The following GRID2 variants were observed in gnomAD, a reference collection of about 807,000 sequenced individuals.
GRID2 encodes glutamate ionotropic receptor delta type subunit 2.
In GRID2, 33 loss-of-function variants were observed where a neutral mutation model predicts 114.8. That is an observed-to-expected ratio of 0.29 (90% CI 0.22 to 0.38). GRID2 has a LOEUF of 0.38. GRID2 is among the 10% of genes least tolerant of loss of function. The pLI is 1.00. For synonymous variants in GRID2, 505 were observed against 449.9 expected, an observed-to-expected ratio of 1.12 and a Z score of -1.55; for missense variants, 1,184 against 1,257.7, an observed-to-expected ratio of 0.94 and a Z score of 0.89.
At chr4:93,367,769 A>T (rs1310478509) in intron 8 of GRID2, among the ~76,000 whole-genome samples, 4 of 152,186 alleles carry the variant, frequency 2.6e-5, no homozygotes, top group African/African-American at 9.6e-5. Flanking sequence ...AGCTGGTTGA[A>T]AAGACATACA....
At chr4:92,870,480 C>G (rs929276954) in intron 2 of GRID2, among the ~76,000 whole-genome samples, 8 of 151,854 alleles carry the variant, frequency 5.3e-5, no homozygotes, top group African/African-American at 1.9e-4. Flanking sequence ...AAAATTTGTT[C>G]TCAAGTGTAT....
intron 1 of GRID2, among the ~76,000 whole-genome samples, chr4:92,495,756 A>T (rs1210497919): frequency 6.6e-6 from 1 of 151,950 alleles, no homozygotes; most frequent in Non-Finnish European, 1.5e-5. Flanking sequence ...GTTCTAAATT[A>T]AAATTCAAAG....
intron 10 of GRID2, among the ~76,000 whole-genome samples, chr4:93,454,581 C>T (rs867292954): frequency 1.3e-5 from 2 of 151,914 alleles, no homozygotes; most frequent in South Asian, 2.1e-4. Context: ...CAAACACGTA[C>T]CCACACTGCT....
chr4:92,648,180 G>A (rs1173007185), intron 2 of GRID2, among the ~76,000 whole-genome samples: 1 of 149,714 alleles, frequency 6.7e-6, no homozygotes, highest in African/African-American at 2.5e-5. Flanking sequence ...GAAAGTTGAA[G>A]CAATGTCTAA....
intron 1 of GRID2, among the ~76,000 whole-genome samples, chr4:92,462,808 A>G (rs1204756195): frequency 6.6e-6 from 1 of 152,004 alleles, no homozygotes; most frequent in Non-Finnish European, 1.5e-5. Context: ...GAGACTTGTT[A>G]TACAGGTACA....
At chr4:92,622,932 C>A (rs1321388521) in intron 2 of GRID2, among the ~76,000 whole-genome samples, 2 of 151,646 alleles carry the variant, frequency 1.3e-5, no homozygotes. Flanking sequence ...TATTTATCAA[C>A]AAGCAGGCCC....
At chr4:93,728,641 A>C (rs1045992992) in intron 14 of GRID2, among the ~76,000 whole-genome samples, 6 of 152,234 alleles carry the variant, frequency 3.9e-5, no homozygotes, top group Admixed American at 6.5e-5. Context: ...GTAGGTCACT[A>C]AGGACTTGCT....
rs186618748 is a variant in GRID2, at chr4:92,676,049, C to T, written c.244+85763C>T. ...ATTATTCATGGAAGAGGGGCGAGTT[C>T]GATACTCAATATTTTGTCATAAATA... On this transcript the variant is annotated intron_variant, in intron 2 of 15. Coordinates refer to ENST00000282020, the MANE Select transcript of GRID2 (RefSeq NM_001510.4). Among the ~76,000 whole-genome samples the T allele has an allele frequency of 8.6e-3, 1,291 of 150,290 alleles. 8 individuals are homozygous for T. Among genetic ancestry groups the T allele is most frequent in the Non-Finnish European group, 0.013 (899 of 67,846 alleles).
At chr4:92,788,053 G>A (rs1739405329) in intron 2 of GRID2, among the ~76,000 whole-genome samples, 1 of 151,714 alleles carries the variant, frequency 6.6e-6, no homozygotes, top group Admixed American at 6.6e-5. Context: ...GGTGATCTAG[G>A]CCTAATATAA....
chr4:93,635,407 T>C (rs1256835651), intron 14 of GRID2, among the ~76,000 whole-genome samples: 2 of 149,160 alleles, frequency 1.3e-5, no homozygotes, highest in East Asian at 3.9e-4. Context: ...ATATATATTA[T>C]ATATATTTAT....
intron 2 of GRID2, among the ~76,000 whole-genome samples, chr4:93,060,406 G>T (rs1269567771): frequency 6.6e-6 from 1 of 152,112 alleles, no homozygotes. Context: ...TGTTTCCATG[G>T]AAGGAAATGC....
At chr4:92,819,858 A>G (rs77037100) in intron 2 of GRID2, among the ~76,000 whole-genome samples, 2 of 152,172 alleles carry the variant, frequency 1.3e-5, no homozygotes, top group African/African-American at 2.4e-5. Flanking sequence ...TTAGTACTCC[A>G]TAATGAAGAG....
chr4:92,591,777 A>G (rs1728715929), intron 2 of GRID2, among the ~76,000 whole-genome samples: 1 of 152,240 alleles, frequency 6.6e-6, no homozygotes, highest in South Asian at 2.1e-4. Context: ...TGTTAATGGA[A>G]TGGAGTAAAA....
At chr4:93,351,375 A>G (rs560244941) in intron 8 of GRID2, among the ~76,000 whole-genome samples, 14 of 152,054 alleles carry the variant, frequency 9.2e-5, no homozygotes, top group Non-Finnish European at 2.1e-4. Flanking sequence ...ACAGCTTTGC[A>G]GATTTTATGA....
Position 92,721,426 on chromosome 4 carries a change from TC to T in GRID2, c.244+131141del, listed in dbSNP as rs948987726. ...AAATTTCAGTTTTCTGAATTTATTCTCTAAATTTGTTGTAATTTATAAATAA... is the reference window on the plus strand; with the variant it reads ...AAATTTCAGTTTTCTGAATTTATTCTTAAATTTGTTGTAATTTATAAATAA... On this transcript the variant is annotated intron_variant, in intron 2 of 15. Transcript: ENST00000282020. Among the ~76,000 whole-genome samples, 151 of 152,276 alleles carry T rather than the reference TC, an allele frequency of 9.9e-4. 1 individual carries two copies. Among genetic ancestry groups the T allele is most frequent in the African/African-American group, 3.6e-3 (149 of 41,570 alleles).
Position 93,031,358 on chromosome 4 carries a change from C to T in GRID2, c.245-53637C>T, listed in dbSNP as rs1724420225. Among the ~76,000 whole-genome samples the T allele has an allele frequency of 2.0e-5, 3 of 152,016 alleles. 1 individual carries two copies. Among genetic ancestry groups the T allele is most frequent in the African/African-American group, 7.2e-5 (3 of 41,418 alleles). ...CGTGCCCGGCCGTATCATCCACTCT[C>T]CTACGGATATAATTAAAAATCCACA... is the stretch of plus-strand genomic sequence containing the variant. On this transcript the variant is annotated intron_variant, in intron 2 of 15. Transcript: ENST00000282020.
rs181246525 is a variant in GRID2, at chr4:92,808,716, G to A, written c.244+218430G>A. 7.2e-5 allele frequency among the ~76,000 whole-genome samples: 11 copies of A among 151,834 alleles called. No homozygotes were observed. In the East Asian group the frequency reaches 2.1e-3, roughly 29 times the overall value. On this transcript the variant is annotated intron_variant, in intron 2 of 15. Coordinates refer to ENST00000282020, the MANE Select transcript of GRID2 (RefSeq NM_001510.4). The stretch of plus-strand genomic sequence containing the variant: ...TCATTATACACACTATTGTTTTGAG[G>A]TCACAGAACATGAAATCTCTGGGTA...
intron 2 of GRID2, among the ~76,000 whole-genome samples, chr4:92,776,455 C>T (rs1420144039): frequency 6.6e-6 from 1 of 151,980 alleles, no homozygotes; most frequent in Admixed American, 6.6e-5. Context: ...CAGCTACCCA[C>T]ACAGAAGGGT....
chr4:92,423,281 T>C (rs2110327994), intron 1 of GRID2, among the ~76,000 whole-genome samples: 1 of 152,286 alleles, frequency 6.6e-6, no homozygotes, highest in Middle Eastern at 3.4e-3. Flanking sequence ...CCTAATTTTT[T>C]TAGCAAATAA....
Sources: gnomAD v4.1 joint callset for allele counts (sites outside exome capture counted in the v4.1 genomes callset) on GRCh38, gnomAD v4.1.1 for gene constraint, MANE v1.5 for transcripts, NCBI Gene and HGNC (gene_info 2026-07-23, HGNC 2026-07-21) for gene names.